The following IL20RB variants were observed in gnomAD, a reference collection of about 807,000 sequenced individuals.
IL20RB encodes the protein interleukin-20 receptor subunit beta.
IL20RB carries 21 observed loss-of-function variants against 33.3 expected under a neutral mutation model. The observed-to-expected ratio is 0.63, with a 90% CI of 0.45 to 0.91. The LOEUF is 0.91. Ranked by LOEUF, IL20RB falls within the 40% of genes least tolerant of loss-of-function variation. The pLI, the probability that IL20RB is intolerant of heterozygous loss-of-function variation, is 0.00. For synonymous variants in IL20RB, 147 were observed against 146.8 expected (o/e 1.00, Z -0.01); for missense variants, 345 against 384.8 (o/e 0.90, Z 0.86).
At chr3:136,980,224 C>T (rs1941733120) in intron 1 of IL20RB, 1 of 521,526 alleles carries the variant, frequency 1.9e-6, no homozygotes, top group East Asian at 3.4e-5. Flanking sequence ...AATGGTGGTA[C>T]CCAAAATTTA....
chr3:136,990,340 A>G (rs1351704758), intron 4 of IL20RB, among the ~76,000 whole-genome samples: 1 of 152,156 alleles, frequency 6.6e-6, no homozygotes, highest in Non-Finnish European at 1.5e-5. Flanking sequence ...ACAGATCTAT[A>G]AACAGCTGGC....
intron 2 of IL20RB, chr3:136,981,917 G>A (rs573704373): frequency 2.6e-4 from 77 of 301,616 alleles, no homozygotes; most frequent in Non-Finnish European, 4.3e-4. Context: ...TGACCCTGGA[G>A]ATGAAGAGAT....
intron 2 of IL20RB, chr3:136,981,942 C>T: frequency 2.7e-6 from 1 of 370,142 alleles, no homozygotes; most frequent in Non-Finnish European, 4.9e-6. Flanking sequence ...GAGATCCAGA[C>T]ACATTGATGT....
intron 1 of IL20RB, among the ~76,000 whole-genome samples, chr3:136,979,946 A>G (rs1049680285): frequency 6.6e-6 from 1 of 152,234 alleles, no homozygotes; most frequent in Non-Finnish European, 1.5e-5. Context: ...CGTTTATGCA[A>G]CTTGCTTAAA....
At position 137,010,323 on chromosome 3, in the gene IL20RB, A is replaced by T; in HGVS notation, c.*100A>T. On this transcript the variant is annotated 3_prime_UTR_variant, in exon 7 of 7. Transcript: ENST00000329582. ...TTCTGTTTTCCGCCACGGACAAGGG[A>T]TGAGAGAAGTAGGAAGAGCCTGTTG... is the stretch of plus-strand genomic sequence containing the variant. 1.4e-6 allele frequency: 1 copy of T among 707,684 alleles called. No individual in the cohort carries two copies. The allele number at this position is 707,684 out of a possible 1,614,324, so 43.8% of individuals were successfully genotyped here.
At chr3:136,991,011 G>T (rs760143695) in intron 4 of IL20RB, among the ~76,000 whole-genome samples, 1 of 152,226 alleles carries the variant, frequency 6.6e-6, no homozygotes, top group African/African-American at 2.4e-5. Context: ...AGGGGAGCAT[G>T]TACCCTGAGT....
Position 137,002,758 on chromosome 3 carries a change from A to G in IL20RB, c.825+7202A>G, listed in dbSNP as rs545780660. Among the ~76,000 whole-genome samples, 4 of 152,124 alleles carry G rather than the reference A, an allele frequency of 2.6e-5. No homozygotes were observed. In the South Asian group the frequency reaches 8.3e-4, roughly 32 times the overall value. ...GATGGTAGTTTCTTCTGCTGTGCAG[A>G]AGCTCTTTAGGTTAATTATATCCCA... On this transcript the variant is annotated intron_variant, in intron 6 of 6. Coordinates refer to ENST00000329582, the MANE Select transcript of IL20RB (RefSeq NM_144717.4).
intron 3 of IL20RB, among the ~76,000 whole-genome samples, chr3:136,988,152 C>T (rs577736278): frequency 2.6e-5 from 4 of 152,342 alleles, no homozygotes; most frequent in African/African-American, 7.2e-5. Flanking sequence ...TCACCTCTCA[C>T]ACTGACCCCA....
At chr3:137,001,276 C>T (rs559490406) in intron 6 of IL20RB, among the ~76,000 whole-genome samples, 8 of 152,306 alleles carry the variant, frequency 5.3e-5, no homozygotes, top group South Asian at 4.1e-4. Flanking sequence ...TCTGTTCCTA[C>T]GTGCATTCCC....
intron 4 of IL20RB, among the ~76,000 whole-genome samples, chr3:136,990,756 T>C (rs1362070190): frequency 1.3e-5 from 2 of 152,150 alleles, no homozygotes; most frequent in Admixed American, 1.3e-4. Context: ...TCACCACCCA[T>C]TCAAAGAGGG....
At chr3:136,985,641 G>T (rs972568415) in intron 3 of IL20RB, among the ~76,000 whole-genome samples, 1 of 152,088 alleles carries the variant, frequency 6.6e-6, no homozygotes, top group African/African-American at 2.4e-5. Flanking sequence ...CTGGCTGAGG[G>T]TCCCCACTCT....
chr3:136,980,621 C>G (rs770670115), intron 2 of IL20RB, 29 bp downstream of exon 2: 10 of 1,613,394 alleles, frequency 6.2e-6, no homozygotes, highest in Non-Finnish European at 8.5e-6. Context: ...TAGTTCTTCT[C>G]CCTTAAGCAG....
At chr3:137,007,453 G>C (rs1277142882) in intron 6 of IL20RB, among the ~76,000 whole-genome samples, 1 of 152,208 alleles carries the variant, frequency 6.6e-6, no homozygotes, top group Non-Finnish European at 1.5e-5. Flanking sequence ...CCAAGTTCGA[G>C]CTTCCTGGCT....
intron 1 of IL20RB, among the ~76,000 whole-genome samples, chr3:136,959,835 C>T (rs1560062835): frequency 1.3e-5 from 2 of 152,148 alleles, no homozygotes; most frequent in Non-Finnish European, 2.9e-5. Flanking sequence ...AATCATGTAA[C>T]GTCAGTTTCC....
chr3:136,977,539 T>A (rs1941649923), intron 1 of IL20RB, among the ~76,000 whole-genome samples: 1 of 152,218 alleles, frequency 6.6e-6, no homozygotes, highest in Admixed American at 6.5e-5. Context: ...ATATAATTTT[T>A]TTTTGAGATG....
chr3:136,988,851 T>C (rs886202454), intron 3 of IL20RB, among the ~76,000 whole-genome samples: 7 of 152,168 alleles, frequency 4.6e-5, no homozygotes, highest in African/African-American at 1.7e-4. Flanking sequence ...TGCTGATATG[T>C]GAAAGTTATC....
At position 136,982,204 on chromosome 3, in the gene IL20RB, GCT is replaced by G; in HGVS notation, c.261_262del (p.Ser87ArgfsTer6). ...ACGAGCCACATCTGGATCCCCAGCAGCTGGTGCTCACTCACTGAAGGTCCTGA... is the reference window on the plus strand; with the variant it reads ...ACGAGCCACATCTGGATCCCCAGCAGGGTGCTCACTCACTGAAGGTCCTGA... On this transcript the variant is annotated frameshift_variant, in exon 3 of 7. Transcript: ENST00000329582. LOFTEE classifies it high-confidence loss of function. 6.2e-7 allele frequency: 1 copy of G among 1,602,072 alleles called. No individual in the cohort carries two copies. Among genetic ancestry groups the G allele is most frequent in the Non-Finnish European group, 8.5e-7 (1 of 1,170,332 alleles).
intron 3 of IL20RB, among the ~76,000 whole-genome samples, chr3:136,985,944 T>G (rs955059592): frequency 3.9e-5 from 6 of 152,172 alleles, no homozygotes; most frequent in Non-Finnish European, 8.8e-5. Context: ...GCATGTCACT[T>G]AATCTCTCTG....
chr3:136,986,411 G>A (rs1186388195), intron 3 of IL20RB, among the ~76,000 whole-genome samples: 3 of 152,046 alleles, frequency 2.0e-5, no homozygotes, highest in African/African-American at 7.2e-5. Context: ...TCTAATTCTG[G>A]TCTCAATAAA....
Sources: gnomAD v4.1 joint callset for allele counts (sites outside exome capture counted in the v4.1 genomes callset) on GRCh38, gnomAD v4.1.1 for gene constraint, MANE v1.5 for transcripts, NCBI Gene and HGNC (gene_info 2026-07-23, HGNC 2026-07-21) for gene names.